SDK1: variants seen among roughly 807,000 people sequenced by gnomAD.
SDK1 encodes the protein protein sidekick-1.
A neutral mutation model predicts 245.5 loss-of-function variants in SDK1; 157 were observed. The observed-to-expected ratio is 0.64, with a 90% confidence interval of 0.56 to 0.73. The LOEUF (loss-of-function observed/expected upper bound fraction) is 0.73. Among genes scored for constraint, SDK1 ranks in the 30% least tolerant of loss-of-function variants. The probability of loss-of-function intolerance (pLI) is 0.00; values close to 1 mark genes in which losing one functional copy is unlikely to be tolerated. For missense variants in SDK1, 3,583 were observed against 3,002.3 expected, an observed-to-expected ratio of 1.19 and a Z score of -4.52; for synonymous variants, 1,647 against 1,278.5, an observed-to-expected ratio of 1.29 and a Z score of -6.15.
At chr7:3,682,799 C>T (rs940012031) in intron 4 of SDK1, among the ~76,000 whole-genome samples, 4 of 151,794 alleles carry the variant, frequency 2.6e-5, no homozygotes, top group African/African-American at 9.7e-5. Flanking sequence ...CATGCAGTGG[C>T]GCAATCTCAG....
intron 1 of SDK1, among the ~76,000 whole-genome samples, chr7:3,551,172 G>A (rs995271189): frequency 2.0e-5 from 3 of 151,962 alleles, no homozygotes; most frequent in East Asian, 1.9e-4. Flanking sequence ...GTTACAACCC[G>A]GCCAACACCG....
rs546953518 is a variant in SDK1 at position 3,363,096 on chromosome 7, G to C, written c.298+61212G>C. ...AACAGAACGTTTCCATCACCACAAG[G>C]ATCTCTCATGTTGCCCTTCTGCAGC... is the stretch of plus-strand genomic sequence containing the variant. On this transcript the variant is annotated intron_variant, in intron 1 of 44. Transcript: ENST00000404826. Among the ~76,000 whole-genome samples the C allele has an allele frequency of 4.6e-5, 7 of 152,226 alleles. No homozygotes were observed. The South Asian group carries it at 1.2e-3, about 27-fold the overall frequency.
chr7:3,560,798 C>G (rs983591913), intron 1 of SDK1, among the ~76,000 whole-genome samples: 1 of 152,210 alleles, frequency 6.6e-6, no homozygotes, highest in South Asian at 2.1e-4. Flanking sequence ...TCCAGCCTCT[C>G]TGGCCTCTTT....
chr7:3,842,204 G>A lies in SDK1; in HGVS notation c.847+20621G>A, dbSNP rs114500673. On this transcript the variant is annotated intron_variant, in intron 5 of 44. Transcript: ENST00000404826. ...GTCCCTTCAGTGGGCAGAGATGTGA[G>A]CAGTACTTGCACCACCATCCCCACT... is the stretch of plus-strand genomic sequence containing the variant. Among the ~76,000 whole-genome samples the A allele has an allele frequency of 4.7e-3, 722 of 152,332 alleles. 7 individuals are homozygous for A. Among genetic ancestry groups the A allele is most frequent in the African/African-American group, 0.016 (680 of 41,568 alleles).
At position 3,916,335 on chromosome 7, in the gene SDK1, G is replaced by C. The variant is rs571335811; in HGVS notation, c.848-34588G>C. 3.3e-5 allele frequency among the ~76,000 whole-genome samples: 5 copies of C among 152,328 alleles called. No individual in the cohort carries two copies. The East Asian group carries it at 9.6e-4, about 29-fold the overall frequency. On this transcript the variant is annotated intron_variant, in intron 5 of 44. Coordinates refer to ENST00000404826, the MANE Select transcript of SDK1 (RefSeq NM_152744.4). ...GTTAAAGTAAACATGTGACATCATA[G>C]CTGTCTGTTTGGGAACAAAAGGAAG...
intron 28 of SDK1, among the ~76,000 whole-genome samples, chr7:4,145,142 G>T (rs1779872195): frequency 6.6e-6 from 1 of 152,172 alleles, no homozygotes; most frequent in Non-Finnish European, 1.5e-5. Flanking sequence ...AAGCAGAGCT[G>T]CCCTGGCGGA....
intron 4 of SDK1, among the ~76,000 whole-genome samples, chr7:3,784,654 A>G (rs983332117): frequency 4.6e-5 from 7 of 152,196 alleles, no homozygotes; most frequent in Admixed American, 2.6e-4. Context: ...TTGAAATCAC[A>G]ATGAGAAACT....
At chr7:3,355,602 T>C (rs1016393767) in intron 1 of SDK1, among the ~76,000 whole-genome samples, 57 of 152,200 alleles carry the variant, frequency 3.7e-4, no homozygotes, top group African/African-American at 1.3e-3. Context: ...GTTCCCTCCA[T>C]CTTCACGGTA....
chr7:3,614,735 A>T (rs977759212), intron 1 of SDK1, among the ~76,000 whole-genome samples: 3 of 152,188 alleles, frequency 2.0e-5, no homozygotes, highest in African/African-American at 7.2e-5. Flanking sequence ...TGGCTAATCT[A>T]TGTCAAAATA....
intron 5 of SDK1, among the ~76,000 whole-genome samples, chr7:3,894,383 G>A (rs527953918): frequency 6.6e-6 from 1 of 151,816 alleles, no homozygotes; most frequent in South Asian, 2.1e-4. Flanking sequence ...GAAGCTGTGA[G>A]ATCCATGCCT....
intron 4 of SDK1, among the ~76,000 whole-genome samples, chr7:3,731,411 C>A (rs1468266506): frequency 1.3e-5 from 2 of 152,184 alleles, no homozygotes; most frequent in African/African-American, 4.8e-5. Context: ...AATGTGGAGC[C>A]ACTGATCCCA....
intron 44 of SDK1, among the ~76,000 whole-genome samples, chr7:4,246,528 C>G (rs1397704421): frequency 6.6e-6 from 1 of 152,114 alleles, no homozygotes; most frequent in East Asian, 1.9e-4. Context: ...AAATGTGACC[C>G]CTTTACCAGA....
Position 4,113,333 on chromosome 7 carries a change from GTCCGT to G in SDK1, c.3480_3484del (p.Pro1161PhefsTer25). The G allele has an allele frequency of 6.2e-7, 1 of 1,614,024 alleles. No homozygotes were observed. Among genetic ancestry groups the G allele is most frequent in the Middle Eastern group, 1.6e-4 (1 of 6,062 alleles). The stretch of plus-strand genomic sequence containing the variant: ...AACATTGTTGGGCCGAGCCCCTACA[GTCCGT>G]CTTCCCGGGTCATCCAGACCCTGCA... On this transcript the variant is annotated frameshift_variant, in exon 24 of 45. Coordinates refer to ENST00000404826, the MANE Select transcript of SDK1 (RefSeq NM_152744.4). LOFTEE classifies it high-confidence loss of function.
At chr7:4,161,605 A>C (rs907509562) in intron 31 of SDK1, among the ~76,000 whole-genome samples, 181 bp from the exon 32 acceptor site, 1 of 152,086 alleles carries the variant, frequency 6.6e-6, no homozygotes, top group African/African-American at 2.4e-5. Context: ...TCCTATCCCG[A>C]GGACAGGCTT....
rs1785353043 is a variant in SDK1 at position 3,721,120 on chromosome 7, G to A, written c.713+79015G>A. Among the ~76,000 whole-genome samples, 3 of 152,212 alleles carry A rather than the reference G, an allele frequency of 2.0e-5. No homozygotes were observed. The South Asian group carries it at 6.2e-4, about 32-fold the overall frequency. On this transcript the variant is annotated intron_variant, in intron 4 of 44. Transcript: ENST00000404826. ...TTAGGCTTTGGGATGGAGAGCAAGG[G>A]CATGGGTGGGGCTTAAAAAGGGAGC... is the stretch of plus-strand genomic sequence containing the variant.
At chr7:3,838,036 C>T (rs1780065473) in intron 5 of SDK1, among the ~76,000 whole-genome samples, 1 of 152,214 alleles carries the variant, frequency 6.6e-6, no homozygotes, top group Non-Finnish European at 1.5e-5. Context: ...ATTTTGTATA[C>T]TGAAGATCCA....
At chr7:3,625,617 A>C (rs1782092360) in intron 2 of SDK1, among the ~76,000 whole-genome samples, 1 of 152,240 alleles carries the variant, frequency 6.6e-6, no homozygotes, top group African/African-American at 2.4e-5. Flanking sequence ...ATGGAGTCTT[A>C]TGAAATGCAT....
At chr7:3,529,625 C>T (rs565503901) in intron 1 of SDK1, among the ~76,000 whole-genome samples, 7 of 152,014 alleles carry the variant, frequency 4.6e-5, no homozygotes, top group Non-Finnish European at 8.8e-5. Flanking sequence ...AAAAAATCAC[C>T]ATTTGGCAAC....
chr7:4,134,018 A>G (rs1339688128), intron 28 of SDK1, among the ~76,000 whole-genome samples: 1 of 152,198 alleles, frequency 6.6e-6, no homozygotes, highest in Non-Finnish European at 1.5e-5. Context: ...GCAGGAATTC[A>G]TCCAAGGTCT....
Sources: gnomAD v4.1 joint callset for allele counts (sites outside exome capture counted in the v4.1 genomes callset) on GRCh38, gnomAD v4.1.1 for gene constraint, MANE v1.5 for transcripts, NCBI Gene and HGNC (gene_info 2026-07-23, HGNC 2026-07-21) for gene names.